Variants in CEP76 observed in about 807,000 individuals in gnomAD.
The protein encoded by CEP76 is centrosomal protein 76.
In CEP76, 55 loss-of-function variants were observed where a neutral mutation model predicts 83.3. That is an observed-to-expected ratio of 0.66 (90% CI 0.53 to 0.83). CEP76 has a LOEUF of 0.83. CEP76 is among the 40% of genes least tolerant of loss of function. The pLI, the probability that CEP76 is intolerant of heterozygous loss-of-function variation, is 0.00. For missense variants in CEP76, 694 were observed against 799.5 expected (o/e 0.87, Z 1.59); for synonymous variants, 270 against 274.5 (o/e 0.98, Z 0.16).
At chr18:12,679,697 C>T (rs1479040151) in intron 9 of CEP76, among the ~76,000 whole-genome samples, 2 of 152,132 alleles carry the variant, frequency 1.3e-5, no homozygotes, top group African/African-American at 2.4e-5. Flanking sequence ...ATGGTAACCA[C>T]ATCAAATTTT....
At chr18:12,702,737 C>G, upstream of CEP76, 1 of 625,160 alleles carries the variant, frequency 1.6e-6, no homozygotes, top group South Asian at 2.1e-5. Context: ...GCCCCGGCGG[C>G]GGCGGCGCCA....
In CEP76 at chr18:12,697,351, T is replaced by C; in HGVS notation, c.578A>G (p.His193Arg). 6.2e-7 allele frequency: 1 copy of C among 1,613,798 alleles called. No individual in the cohort carries two copies. Among genetic ancestry groups the C allele is most frequent in the Non-Finnish European group, 8.5e-7 (1 of 1,179,822 alleles). Reference sequence around the variant, plus strand: ...TATGTCTGTTTTGATTAGCACCATATGAATTGGATCACTTATTGATAACAT... The same window carrying C: ...TATGTCTGTTTTGATTAGCACCATACGAATTGGATCACTTATTGATAACAT... ...TTMLSISDPIHMVLIKTDIFG... is the reference protein window; with the variant it reads ...TTMLSISDPIRMVLIKTDIFG... The change falls in exon 5 of 12, where the codon CAT (histidine) becomes CGT (arginine). Residue 193 changes from histidine (H) to arginine (R), a missense_variant. By Grantham distance (29) the His-to-Arg change is conservative. Transcript: ENST00000262127.
chr18:12,681,682 AATAC>A (rs1483717401), intron 8 of CEP76, among the ~76,000 whole-genome samples: 5 of 152,172 alleles, frequency 3.3e-5, no homozygotes, highest in African/African-American at 7.2e-5. Context: ...ATTTCAAGAA[AATAC>A]ATACATAAGA....
At chr18:12,690,884 G>A (rs921638685) in intron 7 of CEP76, among the ~76,000 whole-genome samples, 3 of 151,938 alleles carry the variant, frequency 2.0e-5, no homozygotes, top group Admixed American at 1.3e-4. Flanking sequence ...CTTAGAAGTC[G>A]TGGTTATATA....
Position 12,691,558 on chromosome 18 carries a change from T to G in CEP76, c.805-71A>C, listed in dbSNP as rs145564875. The G allele has an allele frequency of 5.4e-4, 626 of 1,153,552 alleles. 12 individuals are homozygous for G. The East Asian group carries it at 0.016, about 29-fold the overall frequency. The allele number at this position is 1,153,552 out of a possible 1,614,324, so 71.5% of individuals were successfully genotyped here. A position where few individuals can be genotyped will look rare whatever the true frequency, so the allele number is the denominator to read the frequency against. On this transcript the variant is annotated intron_variant, in intron 6 of 11. Coordinates refer to ENST00000262127, the MANE Select transcript of CEP76 (RefSeq NM_024899.4). ...AATTACTACAAAATATGTAGCAAAT[T>G]TATCTACTTCTCTACATCATTACCA...
chr18:12,672,105 A>G (rs1159229674), downstream of CEP76, among the ~76,000 whole-genome samples: 1 of 144,922 alleles, frequency 6.9e-6, no homozygotes, highest in Non-Finnish European at 1.5e-5. Flanking sequence ...GGTGTGAGCC[A>G]CCATGCCTGG....
chr18:12,702,430 G>C (rs908500662), intron 1 of CEP76, 56 bp downstream of exon 1: 4 of 1,375,064 alleles, frequency 2.9e-6, no homozygotes, highest in Non-Finnish European at 4.1e-6. Context: ...CCGCCGGGCA[G>C]GAGGGAAAGG....
intron 12 of CEP76, among the ~76,000 whole-genome samples, chr18:12,665,572 G>C (rs1178861794): frequency 6.6e-6 from 1 of 152,122 alleles, no homozygotes; most frequent in Non-Finnish European, 1.5e-5. Flanking sequence ...TCTCGACCTA[G>C]CAATCTAATC....
downstream of CEP76, among the ~76,000 whole-genome samples, chr18:12,672,218 G>A (rs9944993): frequency 2.5e-3 from 377 of 151,506 alleles, 3 homozygotes; most frequent in African/African-American, 8.8e-3. Context: ...AGGTTCAAGC[G>A]ATTCTCCTGC....
intron 11 of CEP76, 66 bp from the exon 12 acceptor site, chr18:12,673,569 G>A: frequency 2.3e-6 from 3 of 1,302,602 alleles, no homozygotes; most frequent in Non-Finnish European, 2.1e-6. Flanking sequence ...TTATTTGCAA[G>A]TAAATCAGTA....
At chr18:12,687,096 G>C (rs2039565164) in intron 7 of CEP76, among the ~76,000 whole-genome samples, 1 of 152,128 alleles carries the variant, frequency 6.6e-6, no homozygotes, top group Non-Finnish European at 1.5e-5. Context: ...TGATTTTACA[G>C]TGAGTATTAC....
At position 12,699,135 on chromosome 18, in the gene CEP76, G is replaced by A. The variant is rs1188309284; in HGVS notation, c.364C>T (p.Leu122=). 6.2e-7 allele frequency: 1 copy of A among 1,613,952 alleles called. No individual in the cohort carries two copies. The highest frequency in any genetic ancestry group is 8.5e-7 in the Non-Finnish European group (1 of 1,179,960). Residue 122 remains leucine (L), a synonymous_variant, in exon 4 of 12, where the codon CTG becomes TTG. Transcript: ENST00000262127. ...VLGGKAFLEH[L]QEPEPLPGQV... ...CCAGGTAAAGGCTCAGGTTCTTGCAGATGTTCCAAGAAAGCTTTTCCACCC... is the reference window on the plus strand; with the variant it reads ...CCAGGTAAAGGCTCAGGTTCTTGCAAATGTTCCAAGAAAGCTTTTCCACCC...
chr18:12,694,804 C>T (rs971935782), intron 6 of CEP76, among the ~76,000 whole-genome samples: 1 of 151,658 alleles, frequency 6.6e-6, no homozygotes, highest in Non-Finnish European at 1.5e-5. Flanking sequence ...CTCCTCTTAC[C>T]GGTTCACGCC....
intron 9 of CEP76, among the ~76,000 whole-genome samples, chr18:12,678,697 G>A (rs34084006): frequency 0.092 from 13,996 of 152,012 alleles, 888 homozygotes; most frequent in Non-Finnish European, 0.13. Flanking sequence ...GGCCGGATGC[G>A]GTAGTCCCAG....
At chr18:12,690,889 T>C (rs1031666577) in intron 7 of CEP76, among the ~76,000 whole-genome samples, 1 of 152,176 alleles carries the variant, frequency 6.6e-6, no homozygotes, top group African/African-American at 2.4e-5. Context: ...AAGTCGTGGT[T>C]ATATACAATT....
intron 10 of CEP76, among the ~76,000 whole-genome samples, chr18:12,676,025 AAAT>A (rs1365142012): frequency 6.6e-6 from 1 of 152,186 alleles, no homozygotes; most frequent in Non-Finnish European, 1.5e-5. Context: ...ATGAAGTTAA[AAAT>A]AATAATATTA....
intron 1 of CEP76, among the ~76,000 whole-genome samples, chr18:12,701,579 TG>T (rs760800022): frequency 1.1e-4 from 17 of 152,100 alleles, no homozygotes; most frequent in Non-Finnish European, 2.5e-4. Flanking sequence ...ACGATAGTGT[TG>T]TGAGGATTAA....
chr18:12,697,518 G>T, intron 4 of CEP76, 110 bp from the exon 5 acceptor site: 1 of 737,084 alleles, frequency 1.4e-6, no homozygotes. Context: ...AAACCAAAGA[G>T]AACAATTTGC....
chr18:12,692,492 C>G (rs1452305923), intron 6 of CEP76, among the ~76,000 whole-genome samples: 1 of 152,100 alleles, frequency 6.6e-6, no homozygotes, highest in Non-Finnish European at 1.5e-5. Context: ...GGCTTTTGTT[C>G]TAGGCTGTTC....
Sources: allele counts gnomAD v4.1 joint callset (sites outside exome capture counted in the v4.1 genomes callset), GRCh38; gene constraint gnomAD v4.1.1; transcripts MANE v1.5; gene names NCBI Gene and HGNC (gene_info 2026-07-23, HGNC 2026-07-21).